Variants in VCAN observed in about 807,000 individuals in gnomAD.
The protein encoded by VCAN is versican.
In VCAN, 44 loss-of-function variants were observed where a neutral mutation model predicts 245.5. The ratio of observed to expected loss-of-function variants is 0.18; its 90% CI spans 0.14 to 0.23. VCAN has a LOEUF of 0.23. VCAN is among the 10% of genes least tolerant of loss of function. The pLI, the probability that VCAN is intolerant of heterozygous loss-of-function variation, is 1.00. For synonymous variants in VCAN, 1,413 were observed against 1,437.0 expected (o/e 0.98, Z 0.38); for missense variants, 3,793 against 4,057.9 (o/e 0.93, Z 1.77).
chr5:83,493,344 G>T (rs1175113482), intron 3 of VCAN, among the ~76,000 whole-genome samples: 2 of 152,182 alleles, frequency 1.3e-5, no homozygotes, highest in Non-Finnish European at 2.9e-5. Flanking sequence ...GGAGCAGAAT[G>T]GGATGTCTAG....
chr5:83,511,243 G>A (rs1258871470), intron 5 of VCAN, among the ~76,000 whole-genome samples: 1 of 142,588 alleles, frequency 7.0e-6, no homozygotes, highest in East Asian at 2.5e-4. Flanking sequence ...CCGGGTTCAA[G>A]CGATTCTCCT....
At chr5:83,506,310 C>T (rs1000221855) in intron 5 of VCAN, among the ~76,000 whole-genome samples, 5 of 152,192 alleles carry the variant, frequency 3.3e-5, no homozygotes, top group African/African-American at 9.6e-5. Flanking sequence ...TTTAACAGAA[C>T]CCAAGTCACC....
intron 5 of VCAN, among the ~76,000 whole-genome samples, chr5:83,507,278 T>C (rs1745509364): frequency 6.6e-6 from 1 of 152,208 alleles, no homozygotes. Context: ...GGAAAGCAAC[T>C]ATCCGTTAAA....
intron 7 of VCAN, among the ~76,000 whole-genome samples, chr5:83,533,285 A>G (rs1212562489): frequency 2.6e-5 from 4 of 152,152 alleles, no homozygotes; most frequent in Admixed American, 1.3e-4. Flanking sequence ...TGGAGAAAGG[A>G]ATCCTAATCT....
chr5:83,541,016 A>T lies in VCAN; in HGVS notation c.8013A>T (p.Thr2671=). 1 of 1,614,096 alleles carries T rather than the reference A, an allele frequency of 6.2e-7. No individual in the cohort carries two copies. The highest frequency in any genetic ancestry group is 1.1e-5 in the South Asian group (1 of 91,082). ...TAGATCACATGGGCTTTCACTTCAC[A>T]ACTGGGATCCCTGCTCCTAGCACAG... ...SQLDHMGFHF[T]TGIPAPSTET... is the part of the protein sequence containing the mutation. Residue 2671 remains threonine (T), a synonymous_variant, in exon 8 of 15, where the codon ACA becomes ACT. Transcript: ENST00000265077.
chr5:83,487,979 G>C (rs969869129), intron 2 of VCAN, among the ~76,000 whole-genome samples: 1 of 152,118 alleles, frequency 6.6e-6, no homozygotes, highest in South Asian at 2.1e-4. Context: ...ATTCATACCA[G>C]AATTAAAGTT....
chr5:83,522,967 A>G (rs1001880073), intron 7 of VCAN, among the ~76,000 whole-genome samples: 18 of 152,236 alleles, frequency 1.2e-4, no homozygotes. Context: ...ATTGTATTAA[A>G]TATAATTTCA....
chr5:83,549,258 T>C (rs1023366739), intron 10 of VCAN, among the ~76,000 whole-genome samples: 1 of 152,208 alleles, frequency 6.6e-6, no homozygotes, highest in Non-Finnish European at 1.5e-5. Flanking sequence ...GTTCTGGGCA[T>C]TGGAGATAGA....
rs1746298125 is a variant in VCAN at position 83,526,294 on chromosome 5, A to G, written c.4003+3985A>G. ...TTAAGATAATCTCATATAATTTTTT[A>G]AAATCACACATTTTCTGTTCTTACA... On this transcript the variant is annotated intron_variant, in intron 7 of 14. Transcript: ENST00000265077. Among the ~76,000 whole-genome samples, 3 of 151,840 alleles carry G rather than the reference A, an allele frequency of 2.0e-5. No individual in the cohort carries two copies. In the South Asian group the frequency reaches 6.3e-4, roughly 32 times the overall value.
chr5:83,475,104 C>G (rs35194537), intron 1 of VCAN, among the ~76,000 whole-genome samples: 38,629 of 152,046 alleles, frequency 0.25, 6,121 homozygotes, highest in Non-Finnish European at 0.36. Context: ...ATGGCAAATA[C>G]TGCCATTCGA....
At chr5:83,524,512 C>G (rs1376114506) in intron 7 of VCAN, among the ~76,000 whole-genome samples, 1 of 149,704 alleles carries the variant, frequency 6.7e-6, no homozygotes, top group African/African-American at 2.5e-5. Flanking sequence ...ACCTACCTAC[C>G]TACCTTCCTA....
At position 83,521,026 on chromosome 5, in the gene VCAN, C is replaced by T. The variant is rs1165392826; in HGVS notation, c.2720C>T (p.Pro907Leu). 6.2e-7 allele frequency: 1 copy of T among 1,613,610 alleles called. No homozygotes were observed. The highest frequency in any genetic ancestry group is 8.5e-7 in the Non-Finnish European group (1 of 1,179,872). ...GATTCTACAACTGAAGAAAAAGTTC[C>T]ACCTATCACAAGCACTGAAGGCCAA... ...LRDSTTEEKVPPITSTEGQVY... is the reference protein window; with the variant it reads ...LRDSTTEEKVLPITSTEGQVY... Residue 907 changes from proline to leucine, a missense_variant, in exon 7 of 15, where the codon CCA becomes CTA. This residue lies in a region of VCAN where 3,182 missense variants were observed against 3,250.3 expected (regional missense o/e 0.98). Coordinates refer to ENST00000265077, the MANE Select transcript of VCAN (RefSeq NM_004385.5).
intron 12 of VCAN, among the ~76,000 whole-genome samples, chr5:83,564,375 A>G (rs916545912): frequency 1.3e-5 from 2 of 152,174 alleles, no homozygotes; most frequent in Admixed American, 1.3e-4. Context: ...ACCCAGATAC[A>G]CACAAGAATA....
At position 83,493,534 on chromosome 5, in the gene VCAN, TTG is replaced by T; in HGVS notation, c.446-10_446-9del. ...TGAACAGGCTGGCAATTGTTTGCTG[TTG>T]TTTTTGCAGGGGTTGTGTTTCACTA... On this transcript the variant is annotated splice_polypyrimidine_tract_variant and intron_variant, in intron 3 of 14. Coordinates refer to ENST00000265077, the MANE Select transcript of VCAN (RefSeq NM_004385.5). 6.2e-7 allele frequency: 1 copy of T among 1,612,950 alleles called. No homozygotes were observed.
At chr5:83,483,386 C>T in intron 1 of VCAN, 127 bp from the exon 2 acceptor site, 2 of 747,536 alleles carry the variant, frequency 2.7e-6, no homozygotes, top group Non-Finnish European at 4.6e-6. Context: ...GGAGCTACTT[C>T]TTCTACTCTT....
intron 1 of VCAN, among the ~76,000 whole-genome samples, chr5:83,472,344 G>A (rs894687463): frequency 6.6e-6 from 1 of 152,128 alleles, no homozygotes; most frequent in Non-Finnish European, 1.5e-5. Flanking sequence ...GAAAAGTGGT[G>A]GGTTCTTGAG....
At position 83,526,645 on chromosome 5, in the gene VCAN, T is replaced by C. The variant is rs200671912; in HGVS notation, c.4003+4336T>C. On this transcript the variant is annotated intron_variant, in intron 7 of 14. Transcript: ENST00000265077. ...CTTAAAAGTAAAAATGTTTCAAAAA[T>C]TGGTCTGATTATCTATATCTTTATC... Among the ~76,000 whole-genome samples, 12 of 152,340 alleles carry C rather than the reference T, an allele frequency of 7.9e-5. No homozygotes were observed. The East Asian group carries it at 2.3e-3, about 29-fold the overall frequency.
chr5:83,473,446 C>A (rs1744269561), intron 1 of VCAN, among the ~76,000 whole-genome samples: 1 of 152,150 alleles, frequency 6.6e-6, no homozygotes, highest in African/African-American at 2.4e-5. Context: ...CTCTCTGGGT[C>A]GCGTTCCTCA....
chr5:83,567,649 AAATGCAAAGT>A (rs1580075199), intron 12 of VCAN, among the ~76,000 whole-genome samples: 2 of 152,276 alleles, frequency 1.3e-5, no homozygotes, highest in East Asian at 3.9e-4. Context: ...AAGAGAGTGA[AAATGCAAAGT>A]AATTTTAGGG....
Sources: allele counts gnomAD v4.1 joint callset (sites outside exome capture counted in the v4.1 genomes callset), GRCh38; gene constraint gnomAD v4.1.1; regional missense constraint gnomAD v4.1.1; transcripts MANE v1.5; gene names NCBI Gene and HGNC (gene_info 2026-07-23, HGNC 2026-07-21).